MANBA: variants seen among roughly 807,000 people sequenced by gnomAD.
The protein encoded by MANBA is beta-mannosidase.
In MANBA, 83 loss-of-function variants were observed where a neutral mutation model predicts 111.1. That is an observed-to-expected ratio of 0.75 (90% CI 0.63 to 0.90). The LOEUF is 0.90. MANBA is among the 40% of genes least tolerant of loss of function. MANBA has a pLI of 0.00. For synonymous variants in MANBA, 370 were observed against 378.7 expected (o/e 0.98, Z 0.27); for missense variants, 1,036 against 1,069.0 (o/e 0.97, Z 0.43).
At chr4:102,699,801 A>T (rs1732927893) in intron 5 of MANBA, among the ~76,000 whole-genome samples, 2 of 150,572 alleles carry the variant, frequency 1.3e-5, no homozygotes, top group Non-Finnish European at 3.0e-5. Context: ...TTCATGAAGG[A>T]TATGGGTCTA....
intron 5 of MANBA, among the ~76,000 whole-genome samples, chr4:102,706,597 A>G (rs190698281): frequency 6.6e-6 from 1 of 152,342 alleles, no homozygotes; most frequent in Non-Finnish European, 1.5e-5. Flanking sequence ...TAATTATCCA[A>G]CAACAGATTC....
At chr4:102,659,671 C>G (rs1730834765) in intron 11 of MANBA, among the ~76,000 whole-genome samples, 1 of 152,082 alleles carries the variant, frequency 6.6e-6, no homozygotes, top group African/African-American at 2.4e-5. Flanking sequence ...ATTCCTAAAC[C>G]CCTGACATTC....
intron 5 of MANBA, among the ~76,000 whole-genome samples, chr4:102,692,085 A>C (rs965670427): frequency 1.3e-5 from 2 of 152,194 alleles, no homozygotes; most frequent in Non-Finnish European, 2.9e-5. Flanking sequence ...ATGCGGAGTC[A>C]TTGAAGATTT....
At chr4:102,659,735 T>C (rs116463066) in intron 11 of MANBA, among the ~76,000 whole-genome samples, 200 of 152,328 alleles carry the variant, frequency 1.3e-3, no homozygotes, top group African/African-American at 4.5e-3. Flanking sequence ...ACCCATGAAC[T>C]TCTACTTACT....
intron 4 of MANBA, among the ~76,000 whole-genome samples, chr4:102,719,646 T>C (rs1040778250): frequency 6.6e-6 from 1 of 152,226 alleles, no homozygotes; most frequent in Non-Finnish European, 1.5e-5. Flanking sequence ...ACCACTCTAC[T>C]TTTTGAATGG....
rs1234246273 is a variant in MANBA, at chr4:102,728,678, C to T, written c.178-1995G>A. On this transcript the variant is annotated intron_variant, in intron 1 of 16. Transcript: ENST00000647097. ...TGGGCCTCAGGTGGGTCTCACGTTC[C>T]CTGTGCTCCCTTCTGCTCTCTGGGA... is the stretch of plus-strand genomic sequence containing the variant. 21 of 585,396 alleles carry T rather than the reference C, an allele frequency of 3.6e-5. No individual in the cohort carries two copies. The Admixed American group carries it at 4.8e-4, about 13-fold the overall frequency. 36.3% of individuals were successfully genotyped at this position (585,396 alleles called of 1,614,324 possible).
intron 1 of MANBA, among the ~76,000 whole-genome samples, chr4:102,756,433 TGG>T (rs1553955676): frequency 2.0e-5 from 3 of 151,976 alleles, no homozygotes; most frequent in Non-Finnish European, 2.9e-5. Context: ...TGAGAACACT[TGG>T]GCACAGGATG....
rs568692241 is a variant in MANBA at position 102,721,095 on chromosome 4, G to A, written c.549+1776C>T. 3.2e-4 allele frequency among the ~76,000 whole-genome samples: 49 copies of A among 152,240 alleles called. No homozygotes were observed. The South Asian group carries it at 9.5e-3, about 30-fold the overall frequency. The stretch of plus-strand genomic sequence containing the variant: ...TCCCAACACTTTGGGAGGCCGAGGC[G>A]GGTGGATCACCTGAGGTCAGGAGTT... On this transcript the variant is annotated intron_variant, in intron 4 of 16. Coordinates refer to ENST00000647097, the MANE Select transcript of MANBA (RefSeq NM_005908.4).
chr4:102,682,847 T>C (rs1187960499), intron 7 of MANBA: 1 of 152,188 alleles, frequency 6.6e-6, no homozygotes, highest in Non-Finnish European at 1.5e-5. Context: ...AACACAGCTC[T>C]GCCGACACCT....
At chr4:102,693,713 T>C (rs770501670) in intron 5 of MANBA, among the ~76,000 whole-genome samples, 2 of 152,254 alleles carry the variant, frequency 1.3e-5, no homozygotes, top group South Asian at 2.1e-4. Context: ...AACAGTAGAG[T>C]TGAGTAGTTG....
intron 1 of MANBA, among the ~76,000 whole-genome samples, chr4:102,730,929 T>G (rs1273283715): frequency 6.6e-6 from 1 of 152,140 alleles, no homozygotes; most frequent in Non-Finnish European, 1.5e-5. Flanking sequence ...GCACCCCATG[T>G]TCCCCTGAAA....
intron 5 of MANBA, among the ~76,000 whole-genome samples, chr4:102,701,023 C>T (rs1458018570): frequency 1.3e-5 from 2 of 151,970 alleles, no homozygotes; most frequent in Non-Finnish European, 1.5e-5. Context: ...TCAGGACTTG[C>T]TTTATGAATC....
At chr4:102,729,666 G>A in intron 1 of MANBA, 4 of 1,506,678 alleles carry the variant, frequency 2.7e-6, no homozygotes, top group Admixed American at 1.7e-5. Context: ...CACCAGCCCG[G>A]GCATGTTGCC....
intron 16 of MANBA, among the ~76,000 whole-genome samples, chr4:102,633,057 T>C (rs1729460723): frequency 1.3e-5 from 2 of 152,250 alleles, no homozygotes; most frequent in Non-Finnish European, 2.9e-5. Context: ...ATAAAGAATT[T>C]CAAAGGGCCA....
intron 7 of MANBA, among the ~76,000 whole-genome samples, chr4:102,677,318 A>G (rs1360572985): frequency 2.0e-5 from 3 of 152,184 alleles, no homozygotes; most frequent in Non-Finnish European, 4.4e-5. Flanking sequence ...ATTAGGGAAA[A>G]CTTGTATCTA....
chr4:102,685,921 TTGAAGACTGAAGAC>T, intron 7 of MANBA, among the ~76,000 whole-genome samples: 1 of 151,806 alleles, frequency 6.6e-6, no homozygotes, highest in South Asian at 2.1e-4. Context: ...TTATAGTAGA[TTGAAGACTGAAGAC>T]TGAAGACTGA....
chr4:102,693,127 T>A (rs1359498358), intron 5 of MANBA, among the ~76,000 whole-genome samples: 1 of 152,178 alleles, frequency 6.6e-6, no homozygotes, highest in African/African-American at 2.4e-5. Context: ...TTTGTTCTGA[T>A]CCAGTTAATT....
intron 7 of MANBA, among the ~76,000 whole-genome samples, chr4:102,680,108 C>G (rs538966818): frequency 2.0e-5 from 3 of 152,128 alleles, no homozygotes; most frequent in African/African-American, 7.2e-5. Flanking sequence ...GGAAAACCAG[C>G]AACTCTTTGT....
At chr4:102,703,561 C>T (rs922735854) in intron 5 of MANBA, among the ~76,000 whole-genome samples, 2 of 152,178 alleles carry the variant, frequency 1.3e-5, no homozygotes, top group Non-Finnish European at 2.9e-5. Flanking sequence ...CCAAATTGCT[C>T]CTGGGGATAA....
Sources: allele counts gnomAD v4.1 joint callset (sites outside exome capture counted in the v4.1 genomes callset), GRCh38; gene constraint gnomAD v4.1.1; transcripts MANE v1.5; gene names NCBI Gene and HGNC (gene_info 2026-07-23, HGNC 2026-07-21).